Variants in CNTNAP3B observed in about 807,000 individuals in gnomAD.
The protein encoded by CNTNAP3B is contactin-associated protein-like 3B.
In CNTNAP3B, 25 loss-of-function variants were observed where a neutral mutation model predicts 108.9. That is an observed-to-expected ratio of 0.23 (90% CI 0.17 to 0.32). CNTNAP3B has a LOEUF of 0.32. Among genes scored for constraint, CNTNAP3B ranks in the 10% least tolerant of loss-of-function variants. The pLI, the probability that CNTNAP3B is intolerant of heterozygous loss-of-function variation, is 1.00. For missense variants in CNTNAP3B, 252 were observed against 1,210.4 expected (o/e 0.21, Z 11.75); for synonymous variants, 103 against 473.4 (o/e 0.22, Z 10.16).
chr9:41,961,865 A>T (rs1241076259), intron 11 of CNTNAP3B, among the ~76,000 whole-genome samples: 3 of 152,308 alleles, frequency 2.0e-5, no homozygotes, highest in African/African-American at 7.2e-5. Flanking sequence ...AAGGTATGGA[A>T]TTAATATCTG....
chr9:42,047,465 A>C (rs1191439214), intron 3 of CNTNAP3B, among the ~76,000 whole-genome samples: 1 of 119,066 alleles, frequency 8.4e-6, no homozygotes, highest in Non-Finnish European at 1.7e-5. Context: ...TTAAAAATTA[A>C]ATTTTAAAAT....
At chr9:42,037,210 A>G (rs558054492) in intron 3 of CNTNAP3B, among the ~76,000 whole-genome samples, 80 of 147,482 alleles carry the variant, frequency 5.4e-4, no homozygotes, top group African/African-American at 1.9e-3. Flanking sequence ...GACTTTGATG[A>G]GTTGAGAGAA....
At chr9:41,983,331 A>G (rs1294383157) in intron 9 of CNTNAP3B, 1 of 81,314 alleles carries the variant, frequency 1.2e-5, no homozygotes, top group African/African-American at 4.5e-5. Context: ...GACCTATTCA[A>G]TCTGGGCTAG....
Position 42,116,069 on chromosome 9 carries a change from G to A in CNTNAP3B, c.86-11330C>T, listed in dbSNP as rs574934928. ...AACCATGGCACTAGAACTACATGAC[G>A]CATGCACAAGCTTCAGTAGCCAATC... On this transcript the variant is annotated intron_variant, in intron 1 of 23. Transcript: ENST00000377561. Among the ~76,000 whole-genome samples, 17 of 139,712 alleles carry A rather than the reference G, an allele frequency of 1.2e-4. 1 individual carries two copies. The highest frequency in any genetic ancestry group is 4.2e-4 in the African/African-American group (15 of 35,298). 91.7% of individuals were successfully genotyped at this position (139,712 alleles called of 152,430 possible).
chr9:42,067,600 T>C (rs1248680967), intron 3 of CNTNAP3B, among the ~76,000 whole-genome samples: 3 of 151,580 alleles, frequency 2.0e-5, no homozygotes, highest in Non-Finnish European at 4.4e-5. Flanking sequence ...CCCAACTTTA[T>C]ACATAGTTTA....
intron 14 of CNTNAP3B, among the ~76,000 whole-genome samples, chr9:41,930,238 C>T (rs1339334624): frequency 6.6e-6 from 1 of 152,220 alleles, no homozygotes; most frequent in African/African-American, 2.4e-5. Context: ...ACACTGCTCC[C>T]AGTAGTTCAG....
At chr9:41,941,437 G>T (rs1318750580) in intron 13 of CNTNAP3B, among the ~76,000 whole-genome samples, 1 of 150,864 alleles carries the variant, frequency 6.6e-6, no homozygotes, top group African/African-American at 2.5e-5. Flanking sequence ...AAAAATACTA[G>T]AACAGGGACA....
At chr9:41,982,193 T>C (rs1825642790) in intron 9 of CNTNAP3B, among the ~76,000 whole-genome samples, 1 of 61,416 alleles carries the variant, frequency 1.6e-5, no homozygotes, top group Non-Finnish European at 2.8e-5. Flanking sequence ...CCGAAAGCAA[T>C]TGCAACAAAA....
Position 41,972,436 on chromosome 9 carries a change from C to T in CNTNAP3B, c.1478-2191G>A, listed in dbSNP as rs1358269094. 2.3e-5 allele frequency among the ~76,000 whole-genome samples: 3 copies of T among 129,308 alleles called. 1 individual carries two copies. Among genetic ancestry groups the T allele is most frequent in the African/African-American group, 9.5e-5 (3 of 31,460 alleles). 84.8% of individuals were successfully genotyped at this position (129,308 alleles called of 152,430 possible). On this transcript the variant is annotated intron_variant, in intron 9 of 23. Transcript: ENST00000377561. ...TCTTACTGGAATAAATGAAGCACCT[C>T]TCAATGCCTGTACTCTTATTTCCTC...
At chr9:42,029,553 T>C (rs1587211392) in intron 3 of CNTNAP3B, among the ~76,000 whole-genome samples, 1 of 121,992 alleles carries the variant, frequency 8.2e-6, no homozygotes. Context: ...TTTTTTCAGA[T>C]GGAGTCTTGC....
chr9:41,921,778 A>G (rs942067848), intron 17 of CNTNAP3B, among the ~76,000 whole-genome samples: 3 of 151,322 alleles, frequency 2.0e-5, no homozygotes, highest in Admixed American at 2.0e-4. Flanking sequence ...GGAGCCTGTG[A>G]TGAGAGAGCC....
chr9:42,089,771 C>T (rs945719005), intron 2 of CNTNAP3B, among the ~76,000 whole-genome samples: 26 of 144,658 alleles, frequency 1.8e-4, no homozygotes, highest in Non-Finnish European at 3.6e-4. Context: ...CAATATGTTT[C>T]CATTTGCTCT....
At chr9:41,920,808 G>A (rs1394726884) in intron 17 of CNTNAP3B, among the ~76,000 whole-genome samples, 5 of 152,300 alleles carry the variant, frequency 3.3e-5, no homozygotes, top group Non-Finnish European at 7.3e-5. Flanking sequence ...AAAATAAAGT[G>A]TGAAAGGAAA....
chr9:41,935,981 C>G (rs1211885427), intron 14 of CNTNAP3B, among the ~76,000 whole-genome samples: 1 of 152,252 alleles, frequency 6.6e-6, no homozygotes. Context: ...CAGGTGGCTC[C>G]AAGTGATACG....
At chr9:41,954,347 C>T (rs1587140439) in intron 12 of CNTNAP3B, among the ~76,000 whole-genome samples, 2 of 152,396 alleles carry the variant, frequency 1.3e-5, no homozygotes, top group East Asian at 3.9e-4. Flanking sequence ...TGCTAAATGG[C>T]TAAATGGCTT....
At chr9:41,933,718 C>G (rs1398860961) in intron 14 of CNTNAP3B, among the ~76,000 whole-genome samples, 1 of 152,220 alleles carries the variant, frequency 6.6e-6, no homozygotes, top group Non-Finnish European at 1.5e-5. Context: ...CAATATCTGC[C>G]AGGTTTGTTT....
chr9:42,124,865 T>C lies in CNTNAP3B; in HGVS notation c.85+4145A>G, dbSNP rs1432093696. On this transcript the variant is annotated intron_variant, in intron 1 of 23. Transcript: ENST00000377561. ...ATAAATGAACTGTTATTTCTCATAATTGTTTTTTTTTCAGCCTCTTTATTT... is the reference window on the plus strand; with the variant it reads ...ATAAATGAACTGTTATTTCTCATAACTGTTTTTTTTTCAGCCTCTTTATTT... 1.4e-5 allele frequency among the ~76,000 whole-genome samples: 2 copies of C among 137,988 alleles called. 1 individual carries two copies. The highest frequency in any genetic ancestry group is 3.1e-5 in the Non-Finnish European group (2 of 64,726). The allele number at this position is 137,988 out of a possible 152,430, so 90.5% of individuals were successfully genotyped here. A position where few individuals can be genotyped will look rare whatever the true frequency, so the allele number is the denominator to read the frequency against.
At chr9:42,029,334 T>C (rs1826471416) in intron 3 of CNTNAP3B, among the ~76,000 whole-genome samples, 1 of 129,580 alleles carries the variant, frequency 7.7e-6, no homozygotes, top group Non-Finnish European at 1.6e-5. Context: ...TGTTGCTTTT[T>C]CATTTGTTTC....
chr9:42,063,869 G>A (rs1827217096), intron 3 of CNTNAP3B, among the ~76,000 whole-genome samples: 1 of 150,394 alleles, frequency 6.6e-6, no homozygotes, highest in African/African-American at 2.5e-5. Flanking sequence ...TTATAGGTAT[G>A]AGCCATGACA....
Sources: gnomAD v4.1 joint callset for allele counts (sites outside exome capture counted in the v4.1 genomes callset) on GRCh38, gnomAD v4.1.1 for gene constraint, MANE v1.5 for transcripts, NCBI Gene and HGNC (gene_info 2026-07-23, HGNC 2026-07-21) for gene names.